Variants in SEMA3A observed in about 807,000 individuals in gnomAD.
SEMA3A encodes the protein semaphorin-3A.
Under a neutral mutation model 97.9 loss-of-function variants are expected in SEMA3A, and 29 were observed. The ratio of observed to expected loss-of-function variants is 0.30; its 90% CI spans 0.22 to 0.40. SEMA3A has a LOEUF of 0.40. SEMA3A is among the 10% of genes least tolerant of loss of function. SEMA3A has a pLI of 1.00. For missense variants in SEMA3A, 763 were observed against 951.3 expected (o/e 0.80, Z 2.60); for synonymous variants, 321 against 323.7 (o/e 0.99, Z 0.09).
chr7:84,378,518 T>C (rs1284413936), intron 1 of SEMA3A, among the ~76,000 whole-genome samples: 2 of 152,016 alleles, frequency 1.3e-5, no homozygotes, highest in Non-Finnish European at 2.9e-5. Context: ...AGGAGAACAC[T>C]TGGACACAGG....
At chr7:84,291,787 C>G (rs1421473227) in intron 3 of SEMA3A, among the ~76,000 whole-genome samples, 1 of 152,142 alleles carries the variant, frequency 6.6e-6, no homozygotes, top group Non-Finnish European at 1.5e-5. Flanking sequence ...TGAAAAGCCT[C>G]TTAGAAAGCA....
intron 12 of SEMA3A, among the ~76,000 whole-genome samples, chr7:83,989,910 T>C (rs960778896): frequency 1.3e-5 from 2 of 150,886 alleles, no homozygotes; most frequent in Admixed American, 6.6e-5. Context: ...TCCACAATGG[T>C]AGAACTAGTT....
rs558798738 is a variant in SEMA3A, at chr7:84,419,412, CTGGCT to C, written c.-245-47517_-245-47513del. ...TATACATAAGGGACAGGAAGGCTAA[CTGGCT>C]TGCCCAAAAAAGCAGAGCTTTCAGC... On this transcript the variant is annotated intron_variant, in intron 1 of 3. Transcript: ENST00000424555. Among the ~76,000 whole-genome samples, 1,365 of 152,060 alleles carry C rather than the reference CTGGCT, an allele frequency of 9.0e-3. 23 individuals carry two copies. Among genetic ancestry groups the C allele is most frequent in the African/African-American group, 0.032 (1,319 of 41,482 alleles).
At chr7:84,077,359 T>C (rs1474829360) in intron 4 of SEMA3A, among the ~76,000 whole-genome samples, 3 of 152,132 alleles carry the variant, frequency 2.0e-5, no homozygotes, top group Admixed American at 6.5e-5. Context: ...TATTATTTTT[T>C]TACCACTTCT....
intron 1 of SEMA3A, among the ~76,000 whole-genome samples, chr7:84,172,083 T>TA (rs1797398976): frequency 6.6e-6 from 1 of 152,202 alleles, no homozygotes; most frequent in Non-Finnish European, 1.5e-5. Flanking sequence ...AGTTAACTGA[T>TA]ATATTCATTT....
intron 4 of SEMA3A, among the ~76,000 whole-genome samples, chr7:84,072,440 C>A (rs2115758467): frequency 6.6e-6 from 1 of 152,162 alleles, no homozygotes; most frequent in South Asian, 2.1e-4. Flanking sequence ...TTACTGCAGG[C>A]AGCTCTGGGA....
At chr7:84,157,066 T>C (rs1796866732) in intron 1 of SEMA3A, among the ~76,000 whole-genome samples, 1 of 152,184 alleles carries the variant, frequency 6.6e-6, no homozygotes, top group Non-Finnish European at 1.5e-5. Context: ...TTTGATCAAG[T>C]GATTAAATGC....
chr7:84,063,790 T>C (rs1793357539), intron 4 of SEMA3A, among the ~76,000 whole-genome samples: 2 of 149,564 alleles, frequency 1.3e-5, no homozygotes, highest in Non-Finnish European at 3.0e-5. Context: ...AATCTACGTC[T>C]GATTGGTGTA....
chr7:83,965,009 T>G (rs1451923365), intron 15 of SEMA3A, among the ~76,000 whole-genome samples: 1 of 152,162 alleles, frequency 6.6e-6, no homozygotes, highest in Non-Finnish European at 1.5e-5. Context: ...AGGAGCTACC[T>G]GAATAATTAG....
At chr7:83,962,240 A>G (rs1788502534) in intron 16 of SEMA3A, among the ~76,000 whole-genome samples, 1 of 152,130 alleles carries the variant, frequency 6.6e-6, no homozygotes, top group African/African-American at 2.4e-5. Context: ...TAAGATTTCC[A>G]AAAATTAAAT....
intron 3 of SEMA3A, among the ~76,000 whole-genome samples, chr7:84,238,372 A>C (rs1423043335): frequency 6.6e-6 from 1 of 151,976 alleles, no homozygotes; most frequent in African/African-American, 2.4e-5. Flanking sequence ...TGGTGGAATA[A>C]CCAATTTTCA....
intron 1 of SEMA3A, among the ~76,000 whole-genome samples, chr7:84,483,660 T>G (rs1806499901): frequency 6.6e-6 from 1 of 152,168 alleles, no homozygotes. Context: ...TAGTGTCAGA[T>G]GCAGCCAATG....
intron 1 of SEMA3A, among the ~76,000 whole-genome samples, chr7:84,192,029 G>T (rs1798058080): frequency 6.6e-6 from 1 of 151,886 alleles, no homozygotes; most frequent in Admixed American, 6.6e-5. Context: ...CACAGTGATT[G>T]CCAGAAACTT....
chr7:84,068,182 C>T, intron 4 of SEMA3A, among the ~76,000 whole-genome samples: 1 of 142,602 alleles, frequency 7.0e-6, no homozygotes, highest in African/African-American at 2.7e-5. Context: ...AACAAAAAAC[C>T]AAACACCGCA....
chr7:84,357,138 T>A (rs868220604), intron 2 of SEMA3A, among the ~76,000 whole-genome samples: 11 of 151,166 alleles, frequency 7.3e-5, no homozygotes, highest in South Asian at 4.1e-4. Context: ...ATATATATAT[T>A]TTTTATTATA....
At chr7:83,988,464 C>T (rs570150853) in intron 12 of SEMA3A, among the ~76,000 whole-genome samples, 6 of 152,078 alleles carry the variant, frequency 3.9e-5, no homozygotes, top group African/African-American at 1.2e-4. Flanking sequence ...CTCCCGACCT[C>T]GTGATCCGCC....
intron 1 of SEMA3A, among the ~76,000 whole-genome samples, chr7:84,420,445 T>C (rs1804557729): frequency 6.6e-6 from 1 of 152,012 alleles, no homozygotes; most frequent in Non-Finnish European, 1.5e-5. Context: ...AATAGGAGAT[T>C]TGAAAAGTCA....
intron 1 of SEMA3A, among the ~76,000 whole-genome samples, chr7:84,185,047 T>A (rs1278550312): frequency 6.6e-6 from 1 of 152,202 alleles, no homozygotes; most frequent in Non-Finnish European, 1.5e-5. Flanking sequence ...TCTTGTGCTC[T>A]AATAACTGGT....
At chr7:84,142,508 A>C (rs2116077676) in intron 1 of SEMA3A, among the ~76,000 whole-genome samples, 1 of 152,302 alleles carries the variant, frequency 6.6e-6, no homozygotes, top group Non-Finnish European at 1.5e-5. Flanking sequence ...TTTCCATCTG[A>C]CATCAAAGGT....
Sources: gnomAD v4.1 joint callset for allele counts (sites outside exome capture counted in the v4.1 genomes callset) on GRCh38, gnomAD v4.1.1 for gene constraint, MANE v1.5 for transcripts, NCBI Gene and HGNC (gene_info 2026-07-23, HGNC 2026-07-21) for gene names.